The following DLGAP2 variants were observed in gnomAD, a reference collection of about 807,000 sequenced individuals.
DLGAP2 encodes the protein DLG associated protein 2, also known as disks large-associated protein 2.
In DLGAP2, 26 loss-of-function variants were observed where a neutral mutation model predicts 100.3. That is an observed-to-expected ratio of 0.26 (90% CI 0.19 to 0.36). The LOEUF is 0.36. Among genes scored for constraint, DLGAP2 ranks in the 10% least tolerant of loss-of-function variants. The pLI is 1.00. For missense variants in DLGAP2, 1,858 were observed against 1,453.2 expected (o/e 1.28, Z -4.53); for synonymous variants, 886 against 630.1 (o/e 1.41, Z -6.08).
chr8:1,258,357 A>T lies in DLGAP2; in HGVS notation c.74-494A>T, dbSNP rs76460435. ...GGTCGTTACTACCAAACACCACATGATCTCATTCGTAAGTGGGAGTTGAAC... is the reference window on the plus strand; with the variant it reads ...GGTCGTTACTACCAAACACCACATGTTCTCATTCGTAAGTGGGAGTTGAAC... On this transcript the variant is annotated intron_variant, in intron 2 of 14. Coordinates refer to ENST00000637795, the MANE Select transcript of DLGAP2 (RefSeq NM_001346810.2). 6.0e-3 allele frequency among the ~76,000 whole-genome samples: 909 copies of T among 151,158 alleles called. 21 individuals carry two copies. Among genetic ancestry groups the T allele is most frequent in the East Asian group, 0.057 (288 of 5,074 alleles).
chr8:1,537,185 A>T (rs1170857597), intron 4 of DLGAP2, among the ~76,000 whole-genome samples: 1 of 151,970 alleles, frequency 6.6e-6, no homozygotes, highest in Non-Finnish European at 1.5e-5. Flanking sequence ...TTACGACCTA[A>T]TGGGTGTGCA....
chr8:1,298,891 G>T (rs535396386), intron 3 of DLGAP2, among the ~76,000 whole-genome samples: 1 of 152,148 alleles, frequency 6.6e-6, no homozygotes, highest in Non-Finnish European at 1.5e-5. Flanking sequence ...CAGGCCTGAG[G>T]CAGGAACGGG....
intron 4 of DLGAP2, among the ~76,000 whole-genome samples, chr8:1,532,345 C>A (rs1801013718): frequency 6.6e-6 from 1 of 152,182 alleles, no homozygotes; most frequent in South Asian, 2.1e-4. Context: ...TATAAATTTA[C>A]CTGACTTTCT....
At chr8:1,164,755 T>C (rs935804183) in intron 2 of DLGAP2, among the ~76,000 whole-genome samples, 1 of 152,156 alleles carries the variant, frequency 6.6e-6, no homozygotes, top group South Asian at 2.1e-4. Flanking sequence ...GTCTGAGGTC[T>C]ATGTGAAAAG....
At chr8:1,699,731 C>T (rs1469295637) in intron 14 of DLGAP2, among the ~76,000 whole-genome samples, 1 of 152,198 alleles carries the variant, frequency 6.6e-6, no homozygotes, top group Non-Finnish European at 1.5e-5. Flanking sequence ...GAGGCCCTGC[C>T]CCTCCTGAAC....
intron 2 of DLGAP2, among the ~76,000 whole-genome samples, chr8:1,212,009 G>A (rs907982869): frequency 2.6e-5 from 4 of 152,234 alleles, no homozygotes; most frequent in African/African-American, 9.6e-5. Context: ...CTTGGTTCTT[G>A]GTCCTTCACC....
intron 2 of DLGAP2, among the ~76,000 whole-genome samples, chr8:999,687 G>A (rs965645128): frequency 3.0e-4 from 45 of 152,156 alleles, no homozygotes; most frequent in African/African-American, 1.1e-3. Context: ...CACCATGTTT[G>A]CCAGGATGGT....
rs1363689960 is a variant in DLGAP2 at position 1,047,619 on chromosome 8, G to C, written c.73+139653G>C. On this transcript the variant is annotated intron_variant, in intron 2 of 14. Coordinates refer to ENST00000637795, the MANE Select transcript of DLGAP2 (RefSeq NM_001346810.2). ...GAAGGCCAAGATCAAGACACTGGCAGGGTCAGTGTCCAGCGACAGCCACTT... is the reference window on the plus strand; with the variant it reads ...GAAGGCCAAGATCAAGACACTGGCACGGTCAGTGTCCAGCGACAGCCACTT... Among the ~76,000 whole-genome samples, 5 of 152,142 alleles carry C rather than the reference G, an allele frequency of 3.3e-5. 1 individual carries two copies. The highest frequency in any genetic ancestry group is 1.2e-4 in the African/African-American group (5 of 41,450).
chr8:1,690,254 G>A (rs34166453), intron 12 of DLGAP2, among the ~76,000 whole-genome samples: 17,047 of 151,832 alleles, frequency 0.11, 1,229 homozygotes, highest in East Asian at 0.23. Context: ...TACTCGGGAG[G>A]CTGAGGCAGG....
At chr8:1,253,077 A>G (rs1000297667) in intron 2 of DLGAP2, among the ~76,000 whole-genome samples, 11 of 152,104 alleles carry the variant, frequency 7.2e-5, no homozygotes, top group African/African-American at 2.4e-4. Context: ...AATGCCGCCC[A>G]CGCCCGGGCC....
chr8:1,567,829 G>C (rs1021306774), intron 6 of DLGAP2, among the ~76,000 whole-genome samples: 2 of 152,290 alleles, frequency 1.3e-5, no homozygotes, highest in East Asian at 1.9e-4. Context: ...CTAAACACTG[G>C]CCAGACCCTT....
chr8:1,266,594 C>T (rs1281897464), intron 3 of DLGAP2, among the ~76,000 whole-genome samples: 1 of 152,202 alleles, frequency 6.6e-6, no homozygotes, highest in African/African-American at 2.4e-5. Context: ...ACTGGTCTGT[C>T]CAATGCTGTT....
chr8:1,341,692 C>A (rs924608851), intron 3 of DLGAP2, among the ~76,000 whole-genome samples: 1 of 152,192 alleles, frequency 6.6e-6, no homozygotes, highest in African/African-American at 2.4e-5. Flanking sequence ...AGATGAGCCC[C>A]TGACCCTCTG....
chr8:1,113,138 T>G (rs1391504411), intron 2 of DLGAP2, among the ~76,000 whole-genome samples: 1 of 152,242 alleles, frequency 6.6e-6, no homozygotes, highest in Admixed American at 6.5e-5. Context: ...GATAATATGA[T>G]GCCTCCAGCT....
intron 3 of DLGAP2, among the ~76,000 whole-genome samples, chr8:1,445,844 T>C (rs1797972065): frequency 6.6e-6 from 1 of 152,260 alleles, no homozygotes; most frequent in Admixed American, 6.5e-5. Context: ...TGGCCAGTGA[T>C]GATGAGCATA....
At chr8:1,292,772 C>G (rs1800087507) in intron 3 of DLGAP2, among the ~76,000 whole-genome samples, 1 of 152,064 alleles carries the variant, frequency 6.6e-6, no homozygotes, top group Non-Finnish European at 1.5e-5. Flanking sequence ...CGAGCCTCCC[C>G]TTTCCACTCA....
In DLGAP2 at chr8:900,287, C is replaced by T. The variant is rs556893030; in HGVS notation, c.19-7625C>T. On this transcript the variant is annotated intron_variant, in intron 1 of 14. Coordinates refer to ENST00000637795, the MANE Select transcript of DLGAP2 (RefSeq NM_001346810.2). The stretch of plus-strand genomic sequence containing the variant: ...GTCGGCGCCATCCTGTTCACGGCGT[C>T]GCTCCCGGGCGGACGGTGGGCGCCC... Among the ~76,000 whole-genome samples, 205 of 139,064 alleles carry T rather than the reference C, an allele frequency of 1.5e-3. 1 individual carries two copies. Among genetic ancestry groups the T allele is most frequent in the African/African-American group, 5.5e-3 (201 of 36,288 alleles). The allele number at this position is 139,064 out of a possible 152,430, so 91.2% of individuals were successfully genotyped here.
chr8:1,352,155 G>T lies in DLGAP2; in HGVS notation c.106+93272G>T, dbSNP rs537937432. ...TGCGGGTCCTGACTGTGTGTGGAAA[G>T]GCCGTGCGGGTCCTGAGTGTGTGTG... On this transcript the variant is annotated intron_variant, in intron 3 of 14. Transcript: ENST00000637795. Among the ~76,000 whole-genome samples the T allele has an allele frequency of 1.1e-3, 116 of 109,328 alleles. 2 individuals carry two copies. Among genetic ancestry groups the T allele is most frequent in the Middle Eastern group, 5.7e-3 (1 of 176 alleles). 71.7% of individuals were successfully genotyped at this position (109,328 alleles called of 152,430 possible).
chr8:1,187,572 G>C (rs111323923), intron 2 of DLGAP2, among the ~76,000 whole-genome samples: 3 of 46,270 alleles, frequency 6.5e-5, no homozygotes, highest in Non-Finnish European at 1.3e-4. Flanking sequence ...ACGGAATCTC[G>C]CACGCCCGGG....
Sources: gnomAD v4.1 joint callset for allele counts (sites outside exome capture counted in the v4.1 genomes callset) on GRCh38, gnomAD v4.1.1 for gene constraint, MANE v1.5 for transcripts, NCBI Gene and HGNC (gene_info 2026-07-23, HGNC 2026-07-21) for gene names.